Variants in PALS2 observed in about 807,000 individuals in gnomAD.
PALS2 encodes the protein protein PALS2.
PALS2 carries 27 observed loss-of-function variants against 61.6 expected under a neutral mutation model. The observed-to-expected ratio is 0.44, with a 90% CI of 0.32 to 0.60. PALS2 has a LOEUF of 0.60. PALS2 is among the 20% of genes least tolerant of loss of function. The pLI, the probability that PALS2 is intolerant of heterozygous loss-of-function variation, is 0.05. For missense variants in PALS2, 554 were observed against 639.4 expected, an observed-to-expected ratio of 0.87 and a Z score of 1.44; for synonymous variants, 236 against 218.6, an observed-to-expected ratio of 1.08 and a Z score of -0.70.
chr7:24,667,657 ATTTTTTTT>A (rs11284911), intron 8 of PALS2, among the ~76,000 whole-genome samples: 4,260 of 98,840 alleles, frequency 0.043, 199 homozygotes, highest in East Asian at 0.26. Flanking sequence ...GATTAGATAA[ATTTTTTTT>A]TTTTTTTTTT....
At chr7:24,582,914 CAG>C (rs1696867406) in intron 1 of PALS2, among the ~76,000 whole-genome samples, 1 of 88,492 alleles carries the variant, frequency 1.1e-5, no homozygotes, top group Non-Finnish European at 2.0e-5. Context: ...TTTTTTGAGA[CAG>C]AGTCTTGCTC....
chr7:24,675,457 T>C (rs921110857), intron 9 of PALS2, among the ~76,000 whole-genome samples: 2 of 151,242 alleles, frequency 1.3e-5, no homozygotes. Context: ...TAGTTACATA[T>C]GTATACATGT....
rs552181857 is a variant in PALS2 at position 24,663,373 on chromosome 7, A to G, written c.652-217A>G. ...ATCAAACTCTTGTTGATTTAAAGTT[A>G]GATATTAAAGTAGAGAAGAAGTTTT... On this transcript the variant is annotated intron_variant, in intron 5 of 11. Transcript: ENST00000222644. 1.1e-5 allele frequency: 4 copies of G among 353,342 alleles called. No homozygotes were observed. The South Asian group carries it at 2.1e-4, about 18-fold the overall frequency. The allele number at this position is 353,342 out of a possible 1,614,324, so 21.9% of individuals were successfully genotyped here.
rs778913694 is a variant in PALS2 at position 24,680,445 on chromosome 7, G to A, written c.1371G>A (p.Ala457=). ...SEFMPYVVFI[A]APELETLRAM... Reference sequence around the variant, plus strand: ...TTATGCCCTATGTGGTATTTATTGCGGCTCCGGAGCTAGAGACGTTACGTG... The same window carrying A: ...TTATGCCCTATGTGGTATTTATTGCAGCTCCGGAGCTAGAGACGTTACGTG... Residue 457 remains alanine (A), a synonymous_variant, in exon 11 of 12, where the codon GCG becomes GCA. Transcript: ENST00000222644. 2.5e-6 allele frequency: 4 copies of A among 1,613,642 alleles called. No individual in the cohort carries two copies. Among genetic ancestry groups the A allele is most frequent in the African/African-American group, 2.7e-5 (2 of 74,914 alleles).
chr7:24,612,099 T>C (rs1277603673), intron 1 of PALS2, among the ~76,000 whole-genome samples: 1 of 152,012 alleles, frequency 6.6e-6, no homozygotes, highest in Admixed American at 6.6e-5. Flanking sequence ...TGAATATTTT[T>C]GTACAGTGTT....
chr7:24,607,507 ATATATATGTG>A (rs1490805193), intron 1 of PALS2, among the ~76,000 whole-genome samples: 1 of 151,726 alleles, frequency 6.6e-6, no homozygotes, highest in African/African-American at 2.4e-5. Context: ...ATATATGTGT[ATATATATGTG>A]TATATATGTG....
chr7:24,680,507 C>CTGTG lies in PALS2; in HGVS notation c.1433_1434insTGTG (p.Lys479ValfsTer8). ...GCTGTGGTGGATGCAGGAATCACTA[C>CTGTG]CAAGCTTCTGACCGTGAGCTAACCA... On this transcript the variant is annotated frameshift_variant, in exon 11 of 12. Transcript: ENST00000222644. LOFTEE classifies it high-confidence loss of function. The CTGTG allele has an allele frequency of 6.2e-7, 1 of 1,613,792 alleles. No individual in the cohort carries two copies. Among genetic ancestry groups the CTGTG allele is most frequent in the Non-Finnish European group, 8.5e-7 (1 of 1,179,798 alleles).
chr7:24,585,139 A>G (rs1305837551), intron 1 of PALS2, among the ~76,000 whole-genome samples: 3 of 152,086 alleles, frequency 2.0e-5, no homozygotes, highest in East Asian at 1.9e-4. Context: ...TTACCTTGGC[A>G]ATGTGGGCTC....
chr7:24,586,979 C>T (rs1040832549), intron 1 of PALS2, among the ~76,000 whole-genome samples: 2 of 151,528 alleles, frequency 1.3e-5, no homozygotes, highest in East Asian at 1.9e-4. Context: ...CCCGCCCTGC[C>T]CCCCAAATTC....
At position 24,610,718 on chromosome 7, in the gene PALS2, C is replaced by T. The variant is rs1784084134; in HGVS notation, c.-2-12948C>T. Among the ~76,000 whole-genome samples, 5 of 151,980 alleles carry T rather than the reference C, an allele frequency of 3.3e-5. No individual in the cohort carries two copies. The South Asian group carries it at 1.0e-3, about 32-fold the overall frequency. On this transcript the variant is annotated intron_variant, in intron 1 of 11. Coordinates refer to ENST00000222644, the MANE Select transcript of PALS2 (RefSeq NM_001303037.2). ...ATGAAATTTCAGTCAGTTCTTTTTTCTTTATCATCTCTTGGAAATGTACTT... is the reference window on the plus strand; with the variant it reads ...ATGAAATTTCAGTCAGTTCTTTTTTTTTTATCATCTCTTGGAAATGTACTT...
In PALS2 at chr7:24,618,119, T is replaced by C. The variant is rs907509678; in HGVS notation, c.-2-5547T>C. Among the ~76,000 whole-genome samples, 2 of 152,078 alleles carry C rather than the reference T, an allele frequency of 1.3e-5. No homozygotes were observed. Among genetic ancestry groups the C allele is most frequent in the Non-Finnish European group, 2.9e-5 (2 of 68,010 alleles). ...CACCAGAGGCTAGCCTGCCAGGCTG[T>C]TTTTCAGGCTCAGGACATGGGTGTG... On this transcript the variant is annotated intron_variant, in intron 1 of 11. Transcript: ENST00000222644. This position sits in a 1 kb window ranked among gnomAD's most constrained non-coding sequence, Gnocchi z 5.1.
At chr7:24,684,398 G>C (rs762572312) in intron 11 of PALS2, among the ~76,000 whole-genome samples, 5 of 152,162 alleles carry the variant, frequency 3.3e-5, no homozygotes, top group Admixed American at 6.5e-5. Flanking sequence ...AAATTGTTGT[G>C]TCTTCAGCAG....
intron 8 of PALS2, among the ~76,000 whole-genome samples, chr7:24,667,609 CTGAT>C (rs1261178866): frequency 2.0e-5 from 3 of 148,682 alleles, no homozygotes; most frequent in African/African-American, 7.4e-5. Context: ...GATAGAATCT[CTGAT>C]AAGTAAGGAT....
At chr7:24,668,686 A>G (rs1394980336) in intron 9 of PALS2, 26 bp downstream of exon 9, 15 of 1,611,660 alleles carry the variant, frequency 9.3e-6, no homozygotes, top group South Asian at 3.3e-5. Flanking sequence ...TTTCCTTGCT[A>G]TGCAATTGGC....
intron 1 of PALS2, among the ~76,000 whole-genome samples, chr7:24,610,669 G>A (rs1471210903): frequency 6.6e-6 from 1 of 152,078 alleles, no homozygotes; most frequent in Non-Finnish European, 1.5e-5. Context: ...GAAAATAGTT[G>A]CATCAAAATT....
At position 24,687,479 on chromosome 7, in the gene PALS2, T is replaced by C; in HGVS notation, c.1488T>C (p.Ile496=). Reference sequence around the variant, plus strand: ...AAACAGTGGATGAAAGTGCACGGATTCAGAGAGCATACAACCACTATTTTG... The same window carrying C: ...AAACAGTGGATGAAAGTGCACGGATCCAGAGAGCATACAACCACTATTTTG... ...LKKTVDESAR[I]QRAYNHYFDL... The change falls in exon 12 of 12, where the codon ATT becomes ATC. Residue 496 remains isoleucine (I), a synonymous_variant. Coordinates refer to ENST00000222644, the MANE Select transcript of PALS2 (RefSeq NM_001303037.2). This position sits in a 1 kb window ranked among gnomAD's most constrained non-coding sequence, Gnocchi z 4.5. The C allele has an allele frequency of 6.2e-7, 1 of 1,612,446 alleles. No homozygotes were observed. Among genetic ancestry groups the C allele is most frequent in the South Asian group, 1.1e-5 (1 of 90,590 alleles).
At chr7:24,612,726 T>C (rs554806260) in intron 1 of PALS2, among the ~76,000 whole-genome samples, 1 of 152,018 alleles carries the variant, frequency 6.6e-6, no homozygotes, top group African/African-American at 2.4e-5. Flanking sequence ...TAAATAACTT[T>C]ACTAATTTTT....
intron 1 of PALS2, among the ~76,000 whole-genome samples, chr7:24,578,103 G>T (rs1172611040): frequency 6.6e-6 from 1 of 151,532 alleles, no homozygotes; most frequent in South Asian, 2.1e-4. Context: ...CTACCATGCC[G>T]AGCTAATTAA....
chr7:24,668,444 T>C, intron 8 of PALS2, 55 bp from the exon 9 acceptor site: 1 of 1,488,056 alleles, frequency 6.7e-7, no homozygotes, highest in Non-Finnish European at 9.2e-7. Context: ...ATTGCAGAGA[T>C]TTCTTTCATG....
Sources: allele counts gnomAD v4.1 joint callset (sites outside exome capture counted in the v4.1 genomes callset), GRCh38; gene constraint gnomAD v4.1.1; non-coding constraint Gnocchi (gnomAD v3.1); transcripts MANE v1.5; gene names NCBI Gene and HGNC (gene_info 2026-07-23, HGNC 2026-07-21).